HYCC2: variants seen among roughly 807,000 people sequenced by gnomAD.
HYCC2 encodes the protein hyccin PI4KA lipid kinase complex subunit 2.
the HYCC2 span, among the ~76,000 whole-genome samples, chr2:201,030,185 A>T: frequency 2.0e-5 from 3 of 152,198 alleles, no homozygotes; most frequent in African/African-American, 7.2e-5. Context: ...CAACTCCCTT[A>T]TCTCTATTGC....
At chr2:201,042,371 C>A in the HYCC2 span, among the ~76,000 whole-genome samples, 6 of 152,136 alleles carry the variant, frequency 3.9e-5, no homozygotes, top group Non-Finnish European at 7.4e-5. Context: ...CTCTGCCCGG[C>A]CGCCACCCCA....
chr2:201,063,960 G>A, the HYCC2 span: 3 of 1,597,448 alleles, frequency 1.9e-6, no homozygotes, highest in Admixed American at 1.7e-5. Context: ...CCCTATGGCG[G>A]TGGAGGCCAA....
At chr2:200,985,150 G>A in the HYCC2 span, among the ~76,000 whole-genome samples, 1 of 152,208 alleles carries the variant, frequency 6.6e-6, no homozygotes. Flanking sequence ...AGGCAATTGT[G>A]TCTCAAAACA....
chr2:201,009,985 T>A, the HYCC2 span, among the ~76,000 whole-genome samples: 5 of 151,230 alleles, frequency 3.3e-5, no homozygotes, highest in African/African-American at 1.2e-4. Flanking sequence ...GCACCTGTAG[T>A]CCCAGCTACT....
chr2:200,991,500 C>T, the HYCC2 span, among the ~76,000 whole-genome samples: 1 of 150,816 alleles, frequency 6.6e-6, no homozygotes, highest in African/African-American at 2.4e-5. Flanking sequence ...ACCCAGGAGG[C>T]GGAGGTTGCA....
the HYCC2 span, among the ~76,000 whole-genome samples, chr2:201,016,764 T>TA: frequency 1.1e-4 from 16 of 151,874 alleles, no homozygotes; most frequent in Non-Finnish European, 2.2e-4. Flanking sequence ...CATGCTCAGC[T>TA]AATTTCTGTA....
chr2:200,992,741 C>T, the HYCC2 span: 7 of 613,314 alleles, frequency 1.1e-5, no homozygotes, highest in Non-Finnish European at 5.6e-6. Flanking sequence ...TTTAAAAGTA[C>T]TAAAAGGAAA....
the HYCC2 span, chr2:200,981,328 G>A: frequency 6.2e-7 from 1 of 1,614,110 alleles, no homozygotes; most frequent in Non-Finnish European, 8.5e-7. The surrounding 1 kb of genome is among the most constrained non-coding windows in gnomAD (Gnocchi z 4.5). Context: ...CTTGGTCAAG[G>A]GGGCTCCTGG....
At chr2:201,043,444 A>AAG in the HYCC2 span, among the ~76,000 whole-genome samples, 1 of 150,816 alleles carries the variant, frequency 6.6e-6, no homozygotes, top group African/African-American at 2.4e-5. Context: ...AAAAAAAAAA[A>AAG]AAAAAGAAAG....
At chr2:201,066,673 G>A in the HYCC2 span, 1 of 152,138 alleles carries the variant, frequency 6.6e-6, no homozygotes, top group Admixed American at 6.5e-5. Flanking sequence ...TAAGAATCAG[G>A]GAGACTGTTT....
At chr2:201,047,392 G>C in the HYCC2 span, among the ~76,000 whole-genome samples, 2 of 150,458 alleles carry the variant, frequency 1.3e-5, no homozygotes, top group East Asian at 3.9e-4. Context: ...AGGTTTAAGA[G>C]AAATGTGATG....
the HYCC2 span, among the ~76,000 whole-genome samples, chr2:201,041,525 C>G: frequency 6.6e-6 from 1 of 152,212 alleles, no homozygotes; most frequent in African/African-American, 2.4e-5. Context: ...GTCTCAGCAG[C>G]CTTTCTGAAC....
chr2:200,983,285 C>T, the HYCC2 span, among the ~76,000 whole-genome samples: 1 of 152,106 alleles, frequency 6.6e-6, no homozygotes, highest in East Asian at 1.9e-4. Context: ...CAGATATCAA[C>T]ATTACAGGTA....
At chr2:200,988,399 G>C in the HYCC2 span, 2 of 1,612,394 alleles carry the variant, frequency 1.2e-6, no homozygotes, top group Non-Finnish European at 1.7e-6. Flanking sequence ...AAATGGTAAT[G>C]AGTTTTTCAT....
chr2:201,055,337 G>A, the HYCC2 span, among the ~76,000 whole-genome samples: 32,024 of 148,278 alleles, frequency 0.22, 4,223 homozygotes, highest in African/African-American at 0.37. Context: ...AGCCGAGATC[G>A]CACCATTGCA....
chr2:200,976,114 T>A, the HYCC2 span: 1 of 152,206 alleles, frequency 6.6e-6, no homozygotes, highest in Non-Finnish European at 1.5e-5. Context: ...AAAAACACTT[T>A]AAAAAAATTA....
the HYCC2 span, among the ~76,000 whole-genome samples, chr2:201,069,374 C>G: frequency 6.6e-6 from 1 of 152,136 alleles, no homozygotes; most frequent in Non-Finnish European, 1.5e-5. Context: ...AACGTATAAA[C>G]GATCATCTAA....
chr2:200,991,937 G>T, the HYCC2 span, among the ~76,000 whole-genome samples: 4 of 151,812 alleles, frequency 2.6e-5, no homozygotes, highest in Admixed American at 2.6e-4. Context: ...TGTTTATGTC[G>T]GGGCCGGGGG....
the HYCC2 span, among the ~76,000 whole-genome samples, chr2:201,005,357 C>T: frequency 7.9e-5 from 12 of 152,128 alleles, no homozygotes; most frequent in Non-Finnish European, 1.3e-4. Context: ...CTCATAGTGA[C>T]AGAAGGTGGT....
Sources: allele counts gnomAD v4.1 joint callset (sites outside exome capture counted in the v4.1 genomes callset), GRCh38; gene constraint gnomAD v4.1.1; non-coding constraint Gnocchi (gnomAD v3.1); transcripts MANE v1.5; gene names NCBI Gene and HGNC (gene_info 2026-07-23, HGNC 2026-07-21).